EIF4G3: variants seen among roughly 807,000 people sequenced by gnomAD.
EIF4G3 encodes eIF-4-gamma 3.
Under a neutral mutation model 186.4 loss-of-function variants are expected in EIF4G3, and 34 were observed. The observed-to-expected ratio is 0.18, with a 90% CI of 0.14 to 0.24. The LOEUF is 0.24. Ranked by LOEUF, EIF4G3 falls within the 10% of genes least tolerant of loss-of-function variation. The pLI is 1.00. For missense variants in EIF4G3, 1,536 were observed against 1,948.5 expected (o/e 0.79, Z 3.99); for synonymous variants, 673 against 679.5 (o/e 0.99, Z 0.15).
chr1:21,162,942 A>T (rs962745310), intron 2 of EIF4G3, among the ~76,000 whole-genome samples: 16 of 152,140 alleles, frequency 1.1e-4, no homozygotes, highest in African/African-American at 3.4e-4. Context: ...TGGTTAGGCA[A>T]GTTGCCCTAA....
chr1:20,982,440 A>G (rs2078490876), intron 7 of EIF4G3, 32 bp from the exon 8 acceptor site: 1 of 1,520,582 alleles, frequency 6.6e-7, no homozygotes, highest in Admixed American at 2.1e-5. Flanking sequence ...GCAGCAGGAA[A>G]CAGAAAGAAA....
At chr1:20,942,437 A>G in intron 13 of EIF4G3, 107 bp from the exon 14 acceptor site, 1 of 1,116,576 alleles carries the variant, frequency 9.0e-7, no homozygotes, top group Non-Finnish European at 1.2e-6. Context: ...GTAACAGAAC[A>G]GAGACCAATA....
chr1:21,011,189 C>T (rs1452706452), intron 4 of EIF4G3, among the ~76,000 whole-genome samples: 4 of 139,746 alleles, frequency 2.9e-5, no homozygotes, highest in East Asian at 4.1e-4. Flanking sequence ...TAAGCCTTCA[C>T]GACAAATTAA....
At chr1:21,077,218 G>A (rs920461014) in intron 3 of EIF4G3, among the ~76,000 whole-genome samples, 3 of 152,010 alleles carry the variant, frequency 2.0e-5, no homozygotes, top group Non-Finnish European at 2.9e-5. Context: ...GCAACATAGT[G>A]TGACCCCATA....
At chr1:21,145,334 C>A (rs1024116041) in intron 2 of EIF4G3, among the ~76,000 whole-genome samples, 204 of 151,256 alleles carry the variant, frequency 1.3e-3, no homozygotes, top group Middle Eastern at 6.8e-3. Flanking sequence ...AACAAACAAA[C>A]AAAAAAAACC....
chr1:20,996,364 T>A (rs2082284992), intron 7 of EIF4G3, among the ~76,000 whole-genome samples: 1 of 152,110 alleles, frequency 6.6e-6, no homozygotes, highest in Non-Finnish European at 1.5e-5. Context: ...TTTACAATAT[T>A]ATCTCTGAAT....
In EIF4G3 at chr1:20,857,514, G is replaced by T; in HGVS notation, c.3245-17C>A. 2 of 1,596,480 alleles carry T rather than the reference G, an allele frequency of 1.3e-6. No homozygotes were observed. Among genetic ancestry groups the T allele is most frequent in the Non-Finnish European group, 1.7e-6 (2 of 1,163,906 alleles). The stretch of plus-strand genomic sequence containing the variant: ...TCTGGACACCTGCAGGGAGAACAGA[G>T]TGGGAGTCTCTCATCTGTCTCAAGT... On this transcript the variant is annotated splice_polypyrimidine_tract_variant and intron_variant, in intron 24 of 36. Coordinates refer to ENST00000602326, the MANE Select transcript of EIF4G3 (RefSeq NM_001391906.1).
At chr1:20,868,842 T>C (rs2078302580) in intron 20 of EIF4G3, among the ~76,000 whole-genome samples, 1 of 152,156 alleles carries the variant, frequency 6.6e-6, no homozygotes, top group Non-Finnish European at 1.5e-5. Context: ...TTTTACACAG[T>C]AGTAAACTAA....
intron 2 of EIF4G3, among the ~76,000 whole-genome samples, chr1:21,172,953 A>G (rs942494205): frequency 1.3e-5 from 2 of 149,430 alleles, no homozygotes; most frequent in Admixed American, 6.7e-5. Flanking sequence ...ATCCTGGCCA[A>G]CACAGTGAAA....
chr1:20,940,677 T>C (rs948612578), intron 14 of EIF4G3, among the ~76,000 whole-genome samples: 20 of 152,194 alleles, frequency 1.3e-4, no homozygotes, highest in Non-Finnish European at 7.3e-5. Flanking sequence ...TTATATAGCA[T>C]AGGGCAATGT....
At chr1:21,060,891 G>A (rs1030932146) in intron 3 of EIF4G3, among the ~76,000 whole-genome samples, 1 of 151,946 alleles carries the variant, frequency 6.6e-6, no homozygotes, top group Non-Finnish European at 1.5e-5. Context: ...AGGTGGAACA[G>A]AAAGGAATGT....
At chr1:20,941,330 T>G in intron 14 of EIF4G3, 161 bp downstream of exon 14, 2 of 1,569,140 alleles carry the variant, frequency 1.3e-6, no homozygotes, top group Non-Finnish European at 1.7e-6. Context: ...TTTTGCAGGT[T>G]GTACTAAAAC....
At chr1:20,845,410 C>T (rs2070532578) in intron 29 of EIF4G3, among the ~76,000 whole-genome samples, 1 of 152,158 alleles carries the variant, frequency 6.6e-6, no homozygotes. Flanking sequence ...CGCCTGTAAT[C>T]CCAGCACTTT....
At chr1:21,132,196 CTG>C (rs1407521742) in intron 2 of EIF4G3, among the ~76,000 whole-genome samples, 1 of 152,022 alleles carries the variant, frequency 6.6e-6, no homozygotes, top group Non-Finnish European at 1.5e-5. Context: ...GGTTTAAAAA[CTG>C]AGAGATTCAA....
At chr1:21,029,467 G>A (rs997469671) in intron 4 of EIF4G3, among the ~76,000 whole-genome samples, 1 of 151,288 alleles carries the variant, frequency 6.6e-6, no homozygotes, top group African/African-American at 2.4e-5. Context: ...AATTGAGTCG[G>A]GGGGGGGAAG....
intron 4 of EIF4G3, among the ~76,000 whole-genome samples, chr1:21,007,827 A>T (rs1397530527): frequency 6.6e-6 from 1 of 152,192 alleles, no homozygotes; most frequent in Non-Finnish European, 1.5e-5. Flanking sequence ...TTTTAAATTG[A>T]CTACTTCAGA....
chr1:21,056,286 T>G (rs1006883948), intron 3 of EIF4G3, among the ~76,000 whole-genome samples: 1 of 152,180 alleles, frequency 6.6e-6, no homozygotes, highest in South Asian at 2.1e-4. Context: ...ATAGAAGAAC[T>G]AGAATTTCTA....
intron 9 of EIF4G3, 90 bp downstream of exon 9, chr1:20,980,958 C>T (rs1295617039): frequency 1.8e-6 from 2 of 1,101,834 alleles, no homozygotes; most frequent in East Asian, 5.3e-5. Context: ...AAAACTAATA[C>T]CACAATTCAT....
rs71014156 is a variant in EIF4G3 at position 21,117,736 on chromosome 1, TAAAAAAAA to T, written c.-271-28531_-271-28524del. ...GGCCTTTCACTGTCCCAGTATATAGTAAAAAAAAAAAAAAAAAAAAAAAAATTAAAAGC... is the reference window on the plus strand; with the variant it reads ...GGCCTTTCACTGTCCCAGTATATAGTAAAAAAAAAAAAAAAAATTAAAAGC... On this transcript the variant is annotated intron_variant, in intron 2 of 36. Coordinates refer to ENST00000602326, the MANE Select transcript of EIF4G3 (RefSeq NM_001391906.1). Among the ~76,000 whole-genome samples, 81 of 73,094 alleles carry T rather than the reference TAAAAAAAA, an allele frequency of 1.1e-3. 2 individuals carry two copies. Among genetic ancestry groups the T allele is most frequent in the Admixed American group, 6.5e-3 (33 of 5,068 alleles). The allele number at this position is 73,094 out of a possible 152,430, so 48.0% of individuals were successfully genotyped here. A position where few individuals can be genotyped will look rare whatever the true frequency, so the allele number is the denominator to read the frequency against.
Sources: gnomAD v4.1 joint callset for allele counts (sites outside exome capture counted in the v4.1 genomes callset) on GRCh38, gnomAD v4.1.1 for gene constraint, MANE v1.5 for transcripts, NCBI Gene and HGNC (gene_info 2026-07-23, HGNC 2026-07-21) for gene names.